EFR3B: variants seen among roughly 807,000 people sequenced by gnomAD.
EFR3B encodes the protein protein EFR3 homolog B.
A neutral mutation model predicts 104.7 loss-of-function variants in EFR3B; 64 were observed. The ratio of observed to expected loss-of-function variants is 0.61; its 90% CI spans 0.50 to 0.75. EFR3B has a LOEUF of 0.75. Among genes scored for constraint, EFR3B ranks in the 30% least tolerant of loss-of-function variants. EFR3B has a pLI of 0.00. For synonymous variants in EFR3B, 385 were observed against 417.9 expected (o/e 0.92, Z 0.96); for missense variants, 750 against 1,078.5 (o/e 0.70, Z 4.27).
chr2:25,144,682 G>C (rs994983274), intron 18 of EFR3B, among the ~76,000 whole-genome samples: 4 of 152,194 alleles, frequency 2.6e-5, no homozygotes, highest in Non-Finnish European at 5.9e-5. Flanking sequence ...TACACATAAG[G>C]TGAGATATGT....
chr2:25,076,616 C>G (rs989532256), intron 1 of EFR3B, among the ~76,000 whole-genome samples: 1 of 152,046 alleles, frequency 6.6e-6, no homozygotes, highest in African/African-American at 2.4e-5. Context: ...TTAGTGGTCC[C>G]GAGAGACAGA....
At chr2:25,113,553 A>G (rs1413878178) in intron 4 of EFR3B, among the ~76,000 whole-genome samples, 2 of 152,058 alleles carry the variant, frequency 1.3e-5, no homozygotes, top group Non-Finnish European at 2.9e-5. Context: ...CTGTAGTGCC[A>G]GCTACTCGGG....
chr2:25,056,809 A>T (rs1668035395), intron 1 of EFR3B, among the ~76,000 whole-genome samples: 1 of 152,042 alleles, frequency 6.6e-6, no homozygotes, highest in Non-Finnish European at 1.5e-5. Context: ...GAGCAGGCTG[A>T]GTGTTCTGGA....
chr2:25,125,948 T>G (rs1158153387), intron 5 of EFR3B, among the ~76,000 whole-genome samples: 1 of 151,906 alleles, frequency 6.6e-6, no homozygotes, highest in African/African-American at 2.4e-5. Context: ...AAAAACGAAG[T>G]TAAAAATGCA....
intron 4 of EFR3B, among the ~76,000 whole-genome samples, chr2:25,118,478 T>C (rs1669924530): frequency 6.6e-6 from 1 of 152,034 alleles, no homozygotes; most frequent in African/African-American, 2.4e-5. Context: ...ATTTTCTAGA[T>C]CCATTTATTT....
At chr2:25,128,436 C>T (rs1670225907) in intron 6 of EFR3B, 104 bp downstream of exon 6, 4 of 1,420,732 alleles carry the variant, frequency 2.8e-6, no homozygotes, top group Non-Finnish European at 3.8e-6. Context: ...AGCTACAAGG[C>T]CAGGGACATG....
At chr2:25,049,627 G>A (rs1483580692) in intron 1 of EFR3B, among the ~76,000 whole-genome samples, 1 of 152,200 alleles carries the variant, frequency 6.6e-6, no homozygotes, top group African/African-American at 2.4e-5. Context: ...GCGAGGTGGA[G>A]TCATCTGGGC....
At position 25,114,531 on chromosome 2, in the gene EFR3B, G is replaced by A. The variant is rs1412457703; in HGVS notation, c.364-7142G>A. Reference sequence around the variant, plus strand: ...GAATATCTAACAGAGCAAGAGTCCTGGCAGCCCGAGGGAATGGAATGGTCA... The same window carrying A: ...GAATATCTAACAGAGCAAGAGTCCTAGCAGCCCGAGGGAATGGAATGGTCA... On this transcript the variant is annotated intron_variant, in intron 4 of 22. Coordinates refer to ENST00000403714, the MANE Select transcript of EFR3B (RefSeq NM_014971.2). The surrounding 1 kb of genome is among the most constrained non-coding windows in gnomAD (Gnocchi z 4.0). 2.6e-5 allele frequency among the ~76,000 whole-genome samples: 4 copies of A among 152,180 alleles called. No homozygotes were observed. Among genetic ancestry groups the A allele is most frequent in the Admixed American group, 1.3e-4 (2 of 15,280 alleles).
At chr2:25,084,531 G>C (rs980021911) in intron 1 of EFR3B, among the ~76,000 whole-genome samples, 2 of 152,214 alleles carry the variant, frequency 1.3e-5, no homozygotes, top group African/African-American at 4.8e-5. Flanking sequence ...GAGCCACCGT[G>C]ACCGGCCAGT....
At chr2:25,101,792 G>C (rs1400440917) in intron 3 of EFR3B, among the ~76,000 whole-genome samples, 1 of 152,190 alleles carries the variant, frequency 6.6e-6, no homozygotes, top group African/African-American at 2.4e-5. Flanking sequence ...ACATATTTTA[G>C]GGGAGACATC....
Position 25,137,167 on chromosome 2 carries a change from C to T in EFR3B, c.1561-174C>T, listed in dbSNP as rs1256176070. On this transcript the variant is annotated intron_variant, in intron 14 of 22. Transcript: ENST00000403714. The surrounding 1 kb of genome is among the most constrained non-coding windows in gnomAD (Gnocchi z 4.7). ...GGAGCCCATCCTTCCCTACGTGAGC[C>T]TTCCTGTGTGTGTCTGCTTCTGCCA... 1.3e-5 allele frequency among the ~76,000 whole-genome samples: 2 copies of T among 152,132 alleles called. No homozygotes were observed. The highest frequency in any genetic ancestry group is 2.4e-5 in the African/African-American group (1 of 41,428).
At chr2:25,128,039 T>C (rs1670214212) in intron 5 of EFR3B, 144 bp from the exon 6 acceptor site, 1 of 899,320 alleles carries the variant, frequency 1.1e-6, no homozygotes, top group African/African-American at 1.7e-5. Flanking sequence ...GGAGGTCTCA[T>C]GAGAGTAGCA....
Position 25,042,175 on chromosome 2 carries a change from C to G in EFR3B, c.-138C>G, listed in dbSNP as rs1478174457. On this transcript the variant is annotated 5_prime_UTR_variant, in exon 1 of 23. Transcript: ENST00000403714. This position sits in a 1 kb window ranked among gnomAD's most constrained non-coding sequence, Gnocchi z 5.4. ...TCCTGCCCGCGGCCGGCCCCCGCGTCTGCTCCCTCCCCGCCCGGGCCCCTG... is the reference window on the plus strand; with the variant it reads ...TCCTGCCCGCGGCCGGCCCCCGCGTGTGCTCCCTCCCCGCCCGGGCCCCTG... 1 of 887,290 alleles carries G rather than the reference C, an allele frequency of 1.1e-6. No individual in the cohort carries two copies. The highest frequency in any genetic ancestry group is 1.8e-5 in the African/African-American group (1 of 56,726). The allele number at this position is 887,290 out of a possible 1,614,324, so 55.0% of individuals were successfully genotyped here.
intron 3 of EFR3B, among the ~76,000 whole-genome samples, chr2:25,100,081 G>A (rs1191094214): frequency 6.6e-6 from 1 of 151,974 alleles, no homozygotes; most frequent in Admixed American, 6.6e-5. Context: ...GTGGGCGCCT[G>A]TAATCCCAGC....
chr2:25,093,648 A>T (rs559262802), intron 3 of EFR3B, among the ~76,000 whole-genome samples: 1 of 152,042 alleles, frequency 6.6e-6, no homozygotes, highest in Non-Finnish European at 1.5e-5. Flanking sequence ...TTGGCTTCCT[A>T]CAAGCACCTC....
chr2:25,130,595 A>T lies in EFR3B; in HGVS notation c.814A>T (p.Ile272Phe). ...TCTTTGGGAACCCAAGGTGTTTGCC[A>T]TCCGTTGCTTTAAAATCATCATGTA... Reference protein sequence around the residue: ...HSLWEPKVFAIRCFKIIMYSI... With the variant: ...HSLWEPKVFAFRCFKIIMYSI... The change falls in exon 8 of 23, where the codon ATC becomes TTC. Residue 272 changes from isoleucine (I) to phenylalanine (F), a missense_variant. Ile to Phe is a conservative substitution (Grantham distance 21, BLOSUM62 0). Transcript: ENST00000403714. This position sits in a 1 kb window ranked among gnomAD's most constrained non-coding sequence, Gnocchi z 4.6. 1 of 1,551,714 alleles carries T rather than the reference A, an allele frequency of 6.4e-7. No homozygotes were observed. The highest frequency in any genetic ancestry group is 8.7e-7 in the Non-Finnish European group (1 of 1,146,996).
At chr2:25,086,906 G>A (rs995724159) in intron 1 of EFR3B, among the ~76,000 whole-genome samples, 1 of 152,076 alleles carries the variant, frequency 6.6e-6, no homozygotes, top group Non-Finnish European at 1.5e-5. Context: ...TTTTTAATTG[G>A]GTTATTTTCT....
At position 25,121,852 on chromosome 2, in the gene EFR3B, C is replaced by T. The variant is rs756719852; in HGVS notation, c.485+58C>T. The T allele has an allele frequency of 3.2e-5, 49 of 1,548,302 alleles. No homozygotes were observed. The Middle Eastern group carries it at 5.0e-4, about 16-fold the overall frequency. On this transcript the variant is annotated intron_variant, in intron 5 of 22. Transcript: ENST00000403714. ...GCTTACAGCAGAAGCAACGGTGGGT[C>T]CTGTAGATAACTTCCAACCTGCCAT...
chr2:25,082,301 G>A (rs1020839004), intron 1 of EFR3B, among the ~76,000 whole-genome samples: 14 of 152,220 alleles, frequency 9.2e-5, no homozygotes, highest in African/African-American at 3.4e-4. Flanking sequence ...AGCTAAGGGG[G>A]TTGGGGGAGT....
Sources: allele counts gnomAD v4.1 joint callset (sites outside exome capture counted in the v4.1 genomes callset), GRCh38; gene constraint gnomAD v4.1.1; non-coding constraint Gnocchi (gnomAD v3.1); transcripts MANE v1.5; gene names NCBI Gene and HGNC (gene_info 2026-07-23, HGNC 2026-07-21).